The following WTAP variants were observed in gnomAD, a reference collection of about 807,000 sequenced individuals.
WTAP encodes pre-mRNA-splicing regulator WTAP.
Under a neutral mutation model 50.0 loss-of-function variants are expected in WTAP, and 8 were observed. That is an observed-to-expected ratio of 0.16 (90% CI 0.09 to 0.29). WTAP has a LOEUF of 0.29. Among genes scored for constraint, WTAP ranks in the 10% least tolerant of loss-of-function variants. The probability of loss-of-function intolerance (pLI) is 1.00; values close to 1 mark genes in which losing one functional copy is unlikely to be tolerated. For missense variants in WTAP, 295 were observed against 470.7 expected (o/e 0.63, Z 3.45); for synonymous variants, 194 against 169.0 (o/e 1.15, Z -1.15).
intron 1 of WTAP, among the ~76,000 whole-genome samples, chr6:159,732,628 A>C (rs892250939): frequency 2.0e-5 from 3 of 152,172 alleles, no homozygotes; most frequent in Non-Finnish European, 2.9e-5. Flanking sequence ...TGAGGTGAGG[A>C]GTTCGAGACC....
chr6:159,727,084 C>T, upstream of WTAP: 1 of 1,197,502 alleles, frequency 8.4e-7, no homozygotes, highest in Non-Finnish European at 1.1e-6. Context: ...TGGGGCTGAC[C>T]TCCGACCTCG....
intron 6 of WTAP, chr6:159,749,314 T>C (rs1467590882): frequency 3.0e-6 from 3 of 985,746 alleles, no homozygotes; most frequent in African/African-American, 3.5e-5. Flanking sequence ...AACAGGCACA[T>C]GTTTAAAAGA....
At chr6:159,726,805 C>T, upstream of WTAP, 1 of 1,289,222 alleles carries the variant, frequency 7.8e-7, no homozygotes, top group Non-Finnish European at 1.0e-6. Context: ...CTGCGCCTCA[C>T]GACTGATGAG....
At chr6:159,749,313 A>G (rs1779737559) in intron 6 of WTAP, 1 of 985,704 alleles carries the variant, frequency 1.0e-6, no homozygotes, top group Admixed American at 6.2e-5. Context: ...CAACAGGCAC[A>G]TGTTTAAAAG....
At position 159,755,732 on chromosome 6, in the gene WTAP, TG is replaced by T; in HGVS notation, c.*122del. 1 of 1,243,676 alleles carries T rather than the reference TG, an allele frequency of 8.0e-7. No individual in the cohort carries two copies. The highest frequency in any genetic ancestry group is 1.0e-6 in the Non-Finnish European group (1 of 991,732). 77.0% of individuals were successfully genotyped at this position (1,243,676 alleles called of 1,614,324 possible). On this transcript the variant is annotated 3_prime_UTR_variant, in exon 8 of 8. Transcript: ENST00000621533. ...GTGGGTGTACGTTTTGGTTTTTTTT[TG>T]TTGTTTTTTTTCTTTGTTTTTTTTT... is the stretch of plus-strand genomic sequence containing the variant.
intron 3 of WTAP, among the ~76,000 whole-genome samples, chr6:159,741,266 T>C (rs1023130874): frequency 2.0e-5 from 3 of 152,334 alleles, no homozygotes; most frequent in East Asian, 1.9e-4. Context: ...CCTTGTATTC[T>C]GATAGCATAT....
chr6:159,755,680 C>A lies in WTAP; in HGVS notation c.*69C>A. On this transcript the variant is annotated 3_prime_UTR_variant, in exon 8 of 8. Coordinates refer to ENST00000621533, the MANE Select transcript of WTAP (RefSeq NM_001270531.2). ...GAGGATACTGTCCAGAAAATTAATG[C>A]ATACTTTTGTCACAATTTGCCTTTT... 7.5e-7 allele frequency: 1 copy of A among 1,341,184 alleles called. No homozygotes were observed. Among genetic ancestry groups the A allele is most frequent in the Non-Finnish European group, 9.5e-7 (1 of 1,047,122 alleles). 83.1% of individuals were successfully genotyped at this position (1,341,184 alleles called of 1,614,324 possible).
chr6:159,739,342 A>G (rs1251963793), intron 3 of WTAP, among the ~76,000 whole-genome samples: 1 of 152,186 alleles, frequency 6.6e-6, no homozygotes, highest in Non-Finnish European at 1.5e-5. Context: ...ATGCACTTAT[A>G]TTTATGGAAG....
At chr6:159,730,182 C>G (rs1778481565) in intron 1 of WTAP, among the ~76,000 whole-genome samples, 4 of 152,164 alleles carry the variant, frequency 2.6e-5, no homozygotes. Flanking sequence ...CACCTAATGA[C>G]TAACAGTCAT....
chr6:159,737,165 G>A (rs969327891), intron 2 of WTAP, among the ~76,000 whole-genome samples: 2 of 151,736 alleles, frequency 1.3e-5, no homozygotes, highest in South Asian at 4.2e-4. Flanking sequence ...ATCCCACCTC[G>A]GCCTCCTGAG....
rs67668924 is a variant in WTAP at position 159,734,375 on chromosome 6, C to CAA, written c.-8-1867_-8-1866dup. Among the ~76,000 whole-genome samples the CAA allele has an allele frequency of 7.8e-3, 1,014 of 130,726 alleles. 6 individuals are homozygous for CAA. The highest frequency in any genetic ancestry group is 0.019 in the Middle Eastern group (5 of 264). 85.8% of individuals were successfully genotyped at this position (130,726 alleles called of 152,430 possible). ...CTGGCAACAGAGTGAGACTCCATCTCAAAAAAAAAAAAAAAAATTCAGTTT... is the reference window on the plus strand; with the variant it reads ...CTGGCAACAGAGTGAGACTCCATCTCAAAAAAAAAAAAAAAAAAATTCAGTTT... On this transcript the variant is annotated intron_variant, in intron 1 of 7. Coordinates refer to ENST00000621533, the MANE Select transcript of WTAP (RefSeq NM_001270531.2).
chr6:159,749,524 C>G (rs1213537953), intron 6 of WTAP: 13 of 800,570 alleles, frequency 1.6e-5, no homozygotes, highest in Middle Eastern at 6.4e-4. Context: ...AGAGCAGATT[C>G]ATTTTGGAAA....
Position 159,755,768 on chromosome 6 carries a change from T to TTA in WTAP, c.*158_*159insAT. 1.8e-6 allele frequency: 1 copy of TTA among 561,248 alleles called. No homozygotes were observed. Among genetic ancestry groups the TTA allele is most frequent in the Non-Finnish European group, 2.3e-6 (1 of 432,512 alleles). 34.8% of individuals were successfully genotyped at this position (561,248 alleles called of 1,614,324 possible). ...TTCTTTGTTTTTTTTTTCTTTTCTT[T>TTA]TTTTTTTTTTTTTTTTTTTTTTGCT... is the stretch of plus-strand genomic sequence containing the variant. On this transcript the variant is annotated 3_prime_UTR_variant, in exon 8 of 8. Coordinates refer to ENST00000621533, the MANE Select transcript of WTAP (RefSeq NM_001270531.2).
chr6:159,731,744 T>C (rs7770630), intron 1 of WTAP, among the ~76,000 whole-genome samples: 32,078 of 152,070 alleles, frequency 0.21, 3,532 homozygotes, highest in East Asian at 0.4. Context: ...ATTTGGGCCC[T>C]GGTTGTGGTA....
chr6:159,736,138 T>C, intron 1 of WTAP, 120 bp from the exon 2 acceptor site: 1 of 1,017,238 alleles, frequency 9.8e-7, no homozygotes, highest in Admixed American at 2.5e-5. Flanking sequence ...ATTTAAATTC[T>C]AATTATTCAA....
chr6:159,734,921 G>A (rs1266493201), intron 1 of WTAP, among the ~76,000 whole-genome samples: 1 of 151,656 alleles, frequency 6.6e-6, no homozygotes, highest in Non-Finnish European at 1.5e-5. Flanking sequence ...TTTTTTGTGT[G>A]TGGATTTGTA....
chr6:159,736,931 G>C (rs1342015664), intron 2 of WTAP, among the ~76,000 whole-genome samples: 1 of 152,158 alleles, frequency 6.6e-6, no homozygotes, highest in Non-Finnish European at 1.5e-5. Context: ...ATATTTAAGT[G>C]AATAATTTAG....
At chr6:159,750,098 A>G (rs994407567) in intron 6 of WTAP, among the ~76,000 whole-genome samples, 2 of 152,198 alleles carry the variant, frequency 1.3e-5, no homozygotes, top group African/African-American at 4.8e-5. Context: ...TTCAGCAAGA[A>G]ATCTGCTTCT....
At chr6:159,746,230 G>A (rs938632850) in intron 5 of WTAP, among the ~76,000 whole-genome samples, 1 of 152,194 alleles carries the variant, frequency 6.6e-6, no homozygotes, top group East Asian at 1.9e-4. Flanking sequence ...TGGGAAGTGA[G>A]AGAAACTAAA....
Sources: allele counts gnomAD v4.1 joint callset (sites outside exome capture counted in the v4.1 genomes callset), GRCh38; gene constraint gnomAD v4.1.1; transcripts MANE v1.5; gene names NCBI Gene and HGNC (gene_info 2026-07-23, HGNC 2026-07-21).